Variants in SMYD1 observed in about 807,000 individuals in gnomAD.
The protein encoded by SMYD1 is histone-lysine N-methyltransferase SMYD1.
In SMYD1, 49 loss-of-function variants were observed where a neutral mutation model predicts 54.0. That is an observed-to-expected ratio of 0.91 (90% CI 0.72 to 1.15). The LOEUF (loss-of-function observed/expected upper bound fraction) is 1.15. SMYD1 is among the 50% of genes most tolerant of loss of function. The probability of loss-of-function intolerance (pLI) is 0.00; values close to 1 mark genes in which losing one functional copy is unlikely to be tolerated. For synonymous variants in SMYD1, 269 were observed against 234.2 expected (o/e 1.15, Z -1.36); for missense variants, 653 against 639.6 (o/e 1.02, Z -0.23).
At chr2:88,110,158 C>T (rs1161107427) in intron 9 of SMYD1, among the ~76,000 whole-genome samples, 196 bp from the exon 10 acceptor site, 1 of 151,378 alleles carries the variant, frequency 6.6e-6, no homozygotes, top group African/African-American at 2.4e-5. Flanking sequence ...CTCTCCCTGA[C>T]AAAGTGGGCC....
rs61535437 is a variant in SMYD1 at position 88,099,868 on chromosome 2, G to C, written c.888+3084G>C. Among the ~76,000 whole-genome samples, 1,004 of 140,854 alleles carry C rather than the reference G, an allele frequency of 7.1e-3. 12 individuals carry two copies. The highest frequency in any genetic ancestry group is 0.025 in the African/African-American group (931 of 36,924). The allele number at this position is 140,854 out of a possible 152,430, so 92.4% of individuals were successfully genotyped here. On this transcript the variant is annotated intron_variant, in intron 6 of 9. Transcript: ENST00000419482. ...TCTCCCCTTTCCTCTGGCTCCTCCCGCGTTCATCTGGCCCTTCCCCCTTTC... is the reference window on the plus strand; with the variant it reads ...TCTCCCCTTTCCTCTGGCTCCTCCCCCGTTCATCTGGCCCTTCCCCCTTTC...
chr2:88,085,403 T>C (rs1332276942), intron 2 of SMYD1, among the ~76,000 whole-genome samples: 2 of 152,170 alleles, frequency 1.3e-5, no homozygotes, highest in African/African-American at 2.4e-5. Flanking sequence ...AGTGCTGGGC[T>C]GCAGGGAGAT....
At chr2:88,098,481 CA>C (rs1243805859) in intron 6 of SMYD1, among the ~76,000 whole-genome samples, 1 of 152,136 alleles carries the variant, frequency 6.6e-6, no homozygotes, top group Non-Finnish European at 1.5e-5. Context: ...GAATTCAAGG[CA>C]AAAGCTTTCT....
rs558442006 is a variant in SMYD1, at chr2:88,075,509, T to C, written c.137+7508T>C. The stretch of plus-strand genomic sequence containing the variant: ...ATAAATTGACAATCTCCAGGCTTGA[T>C]CCAAGGAAACAGTACCTTTTAATTC... On this transcript the variant is annotated intron_variant, in intron 1 of 9. Transcript: ENST00000419482. Among the ~76,000 whole-genome samples the C allele has an allele frequency of 7.9e-5, 12 of 151,460 alleles. No individual in the cohort carries two copies. The East Asian group carries it at 2.3e-3, about 30-fold the overall frequency.
Position 88,108,359 on chromosome 2 carries a change from A to G in SMYD1, c.1146-12A>G, listed in dbSNP as rs532544199. The G allele has an allele frequency of 2.3e-5, 36 of 1,565,984 alleles. No individual in the cohort carries two copies. The highest frequency in any genetic ancestry group is 3.8e-5 in the Admixed American group (2 of 52,272). ...TTGGTATGATGTATAATTATCTGCT[A>G]TGCTCCCACAGGAAGCTCTACCACC... On this transcript the variant is annotated splice_polypyrimidine_tract_variant and intron_variant, in intron 8 of 9. Transcript: ENST00000419482.
At chr2:88,080,325 T>C (rs1674160595) in intron 1 of SMYD1, among the ~76,000 whole-genome samples, 1 of 152,074 alleles carries the variant, frequency 6.6e-6, no homozygotes, top group Admixed American at 6.5e-5. Context: ...AAACAGAGAA[T>C]TGTGAAGTGT....
chr2:88,105,068 C>T (rs1476556546), intron 7 of SMYD1, among the ~76,000 whole-genome samples: 2 of 152,198 alleles, frequency 1.3e-5, no homozygotes, highest in African/African-American at 2.4e-5. Context: ...TCCAGGGTTT[C>T]TCTCCCAGAT....
rs1675043824 is a variant in SMYD1, at chr2:88,112,261, T to A, written c.*1749T>A. The A allele has an allele frequency of 3.0e-6, 2 of 674,700 alleles. No individual in the cohort carries two copies. Among genetic ancestry groups the A allele is most frequent in the Non-Finnish European group, 5.4e-6 (2 of 368,556 alleles). The allele number at this position is 674,700 out of a possible 1,614,324, so 41.8% of individuals were successfully genotyped here. ...ACCTTTTTCCCTTCTTTGTCATTGT[T>A]ATCTGCTAAGCCCCTGGTCATTTCC... is the stretch of plus-strand genomic sequence containing the variant. On this transcript the variant is annotated 3_prime_UTR_variant, in exon 10 of 10. Transcript: ENST00000419482.
In SMYD1 at chr2:88,084,780, T is replaced by A. The variant is rs565397079; in HGVS notation, c.314+288T>A. Among the ~76,000 whole-genome samples the A allele has an allele frequency of 2.6e-5, 4 of 152,306 alleles. No individual in the cohort carries two copies. In the South Asian group the frequency reaches 8.3e-4, roughly 32 times the overall value. On this transcript the variant is annotated intron_variant, in intron 2 of 9. Transcript: ENST00000419482. ...ATTTAGGTATTTTGGATACAGGGTC[T>A]GCTCTGTTGCCCAGGTTGGAGTGGA...
chr2:88,076,435 G>A (rs994697605), intron 1 of SMYD1, among the ~76,000 whole-genome samples: 1 of 152,092 alleles, frequency 6.6e-6, no homozygotes, highest in African/African-American at 2.4e-5. Flanking sequence ...GTGTTGGCCA[G>A]GATGTTCTCG....
chr2:88,070,733 C>A (rs1673927195), intron 1 of SMYD1, among the ~76,000 whole-genome samples: 1 of 151,748 alleles, frequency 6.6e-6, no homozygotes, highest in Non-Finnish European at 1.5e-5. Context: ...CACCTGAAGT[C>A]AGGAGTTCAG....
chr2:88,104,019 T>G (rs1479162864), intron 7 of SMYD1, among the ~76,000 whole-genome samples: 2 of 151,026 alleles, frequency 1.3e-5, no homozygotes, highest in African/African-American at 4.9e-5. Flanking sequence ...CAGGCTGGAG[T>G]GCAGTGGCAC....
intron 1 of SMYD1, among the ~76,000 whole-genome samples, chr2:88,070,698 C>T (rs886291667): frequency 6.6e-6 from 1 of 151,886 alleles, no homozygotes; most frequent in African/African-American, 2.4e-5. Flanking sequence ...ATTCCCAGCA[C>T]TTTGGGAGAA....
chr2:88,091,178 G>A (rs1674454541), intron 4 of SMYD1, 36 bp downstream of exon 4: 5 of 1,600,534 alleles, frequency 3.1e-6, no homozygotes, highest in Non-Finnish European at 4.3e-6. Context: ...TGTGTGAAGG[G>A]GATGGGGAGA....
At chr2:88,100,764 G>A (rs1395703769) in intron 6 of SMYD1, among the ~76,000 whole-genome samples, 1 of 152,188 alleles carries the variant, frequency 6.6e-6, no homozygotes, top group Non-Finnish European at 1.5e-5. Context: ...AGGCAGGAGG[G>A]CAGCCAAAGC....
At chr2:88,069,146 T>C (rs928625938) in intron 1 of SMYD1, among the ~76,000 whole-genome samples, 1 of 152,186 alleles carries the variant, frequency 6.6e-6, no homozygotes, top group African/African-American at 2.4e-5. Context: ...TTACATTAAA[T>C]TGTCAATATT....
chr2:88,105,555 TACTATGTAA>T (rs1674843013), intron 7 of SMYD1, among the ~76,000 whole-genome samples: 1 of 152,224 alleles, frequency 6.6e-6, no homozygotes, highest in South Asian at 2.1e-4. Flanking sequence ...TAACACCTAA[TACTATGTAA>T]ATGCTGTGTA....
At chr2:88,075,309 T>C (rs985552118) in intron 1 of SMYD1, among the ~76,000 whole-genome samples, 3 of 152,100 alleles carry the variant, frequency 2.0e-5, no homozygotes, top group Non-Finnish European at 4.4e-5. Context: ...TGGCAGGTTG[T>C]CCCCATAATG....
chr2:88,088,005 C>T lies in SMYD1; in HGVS notation c.458C>T (p.Thr153Ile), dbSNP rs530439817. The T allele has an allele frequency of 1.5e-5, 24 of 1,614,186 alleles. No homozygotes were observed. The Middle Eastern group carries it at 4.9e-4, about 33-fold the overall frequency. ...EQKDLRVDVD[T>I]FLQYWPPQSQ... ...AAGGACCTGCGGGTGGACGTGGACA[C>T]ATTCTTGCAGTACTGGCCGCCGCAG... is the stretch of plus-strand genomic sequence containing the variant. The change falls in exon 3 of 10, where the codon ACA becomes ATA. Residue 153 changes from threonine (T) to isoleucine (I), a missense_variant. By Grantham distance (89) the Thr-to-Ile change is moderately conservative (BLOSUM62 -1). Coordinates refer to ENST00000419482, the MANE Select transcript of SMYD1 (RefSeq NM_198274.4).
Sources: allele counts gnomAD v4.1 joint callset (sites outside exome capture counted in the v4.1 genomes callset), GRCh38; gene constraint gnomAD v4.1.1; transcripts MANE v1.5; gene names NCBI Gene and HGNC (gene_info 2026-07-23, HGNC 2026-07-21).